Variants in UBE3A observed in about 807,000 individuals in gnomAD.
UBE3A encodes the protein ubiquitin protein ligase E3A, also known as ubiquitin-protein ligase E3A.
A neutral mutation model predicts 83.4 loss-of-function variants in UBE3A; 6 were observed. The observed-to-expected ratio is 0.07, with a 90% confidence interval of 0.04 to 0.14. The LOEUF (loss-of-function observed/expected upper bound fraction) is 0.14. Ranked by LOEUF, UBE3A falls within the 10% of genes least tolerant of loss-of-function variation. The pLI is 1.00. For synonymous variants in UBE3A, 337 were observed against 355.4 expected, an observed-to-expected ratio of 0.95 and a Z score of 0.58; for missense variants, 456 against 1,036.1, an observed-to-expected ratio of 0.44 and a Z score of 7.69.
At position 25,370,552 on chromosome 15, in the gene UBE3A, G is replaced by A. The variant is rs755413041; in HGVS notation, c.1608+14C>T. 4 of 1,613,924 alleles carry A rather than the reference G, an allele frequency of 2.5e-6. No individual in the cohort carries two copies. Among genetic ancestry groups the A allele is most frequent in the Non-Finnish European group, 3.4e-6 (4 of 1,179,926 alleles). On this transcript the variant is annotated intron_variant, in intron 6 of 12. Transcript: ENST00000648336. This position sits in a 1 kb window ranked among gnomAD's most constrained non-coding sequence, Gnocchi z 4.2. ...TCCCCATTATTAGGTTTTTAATCTA[G>A]CAGCCCAACTTACCCGGACAAGTGC... is the stretch of plus-strand genomic sequence containing the variant.
rs2073855697 is a variant in UBE3A, at chr15:25,334,251, AAATT to A, written c.*4882_*4885del. On this transcript the variant is annotated 3_prime_UTR_variant, in exon 13 of 13. Coordinates refer to ENST00000648336, the MANE Select transcript of UBE3A (RefSeq NM_130839.5). ...TACAATATACAAAATCAATATACAA[AAATT>A]AATTTTATTTCTAACACCAGTGATG... 6.6e-6 allele frequency: 1 copy of A among 152,150 alleles called. No individual in the cohort carries two copies. Among genetic ancestry groups the A allele is most frequent in the African/African-American group, 2.4e-5 (1 of 41,444 alleles). 9.4% of individuals were successfully genotyped at this position (152,150 alleles called of 1,614,324 possible).
chr15:25,385,161 G>A (rs2082889214), intron 4 of UBE3A, among the ~76,000 whole-genome samples: 1 of 152,028 alleles, frequency 6.6e-6, no homozygotes, highest in Non-Finnish European at 1.5e-5. Flanking sequence ...GGAGTAAAAT[G>A]GCAACCTACA....
chr15:25,354,306 AC>A (rs2076927601), intron 11 of UBE3A, 46 bp downstream of exon 11: 1 of 1,577,530 alleles, frequency 6.3e-7, no homozygotes, highest in Admixed American at 1.7e-5. Context: ...AAAATCACAC[AC>A]CCCTTTGGTG....
chr15:25,413,486 G>A (rs1042020197), intron 1 of UBE3A, among the ~76,000 whole-genome samples: 3 of 151,942 alleles, frequency 2.0e-5, no homozygotes, highest in Admixed American at 6.6e-5. Context: ...AGTTTTGTCC[G>A]TTTACACATT....
Position 25,356,677 on chromosome 15 carries a change from G to T in UBE3A, c.1959+14C>A. ...ATCTAAGAGACTGAATTAAAAAAAT[G>T]ACAAAGAACTTACTGGGTGAGAGTC... is the stretch of plus-strand genomic sequence containing the variant. On this transcript the variant is annotated intron_variant, in intron 8 of 12. Transcript: ENST00000648336. 1 of 1,610,162 alleles carries T rather than the reference G, an allele frequency of 6.2e-7. No individual in the cohort carries two copies. The highest frequency in any genetic ancestry group is 8.5e-7 in the Non-Finnish European group (1 of 1,178,526).
intron 7 of UBE3A, among the ~76,000 whole-genome samples, chr15:25,357,182 C>T (rs948976556): frequency 5.9e-5 from 9 of 151,936 alleles, no homozygotes; most frequent in Non-Finnish European, 8.8e-5. Context: ...TAAATTCAAG[C>T]TTTCTAATTT....
Position 25,370,167 on chromosome 15 carries a change from T to C in UBE3A, c.1608+399A>G, listed in dbSNP as rs1366345302. Among the ~76,000 whole-genome samples, 5 of 152,200 alleles carry C rather than the reference T, an allele frequency of 3.3e-5. No homozygotes were observed. The highest frequency in any genetic ancestry group is 7.3e-5 in the Non-Finnish European group (5 of 68,048). ...GATGGAATTTTTTGGACACTACCTA[T>C]AATTTTATGGTATGGTTTTACTGTA... On this transcript the variant is annotated intron_variant, in intron 6 of 12. Coordinates refer to ENST00000648336, the MANE Select transcript of UBE3A (RefSeq NM_130839.5). The surrounding 1 kb of genome is among the most constrained non-coding windows in gnomAD (Gnocchi z 4.2).
At chr15:25,420,351 C>T (rs1889173668) in intron 1 of UBE3A, among the ~76,000 whole-genome samples, 1 of 151,992 alleles carries the variant, frequency 6.6e-6, no homozygotes, top group South Asian at 2.1e-4. Context: ...AAAGACTTTG[C>T]TTCAAAGCAT....
At chr15:25,354,860 T>C (rs1036662789) in intron 9 of UBE3A, among the ~76,000 whole-genome samples, 177 bp from the exon 10 acceptor site, 7 of 152,036 alleles carry the variant, frequency 4.6e-5, no homozygotes, top group Non-Finnish European at 7.4e-5. Flanking sequence ...ATAGCCAATA[T>C]TAAGCTATGA....
intron 1 of UBE3A, among the ~76,000 whole-genome samples, chr15:25,423,866 G>A (rs748129287): frequency 6.6e-6 from 1 of 152,020 alleles, no homozygotes; most frequent in African/African-American, 2.4e-5. Context: ...ACTTTCATCT[G>A]GTCTACTACC....
At chr15:25,386,961 T>C (rs566792097) in intron 4 of UBE3A, among the ~76,000 whole-genome samples, 1 of 152,294 alleles carries the variant, frequency 6.6e-6, no homozygotes, top group South Asian at 2.1e-4. Flanking sequence ...TCTACATATA[T>C]AGAGCATCAA....
chr15:25,399,476 T>C (rs747364979), intron 4 of UBE3A, among the ~76,000 whole-genome samples: 1 of 152,216 alleles, frequency 6.6e-6, no homozygotes, highest in African/African-American at 2.4e-5. Context: ...TTCCCCGCTG[T>C]GTTCTTTGCA....
intron 12 of UBE3A, 93 bp from the exon 13 acceptor site, chr15:25,339,350 T>A: frequency 1.3e-6 from 2 of 1,501,698 alleles, no homozygotes; most frequent in Non-Finnish European, 1.8e-6. Flanking sequence ...TTGTATATAG[T>A]TGAGACGGTC....
intron 1 of UBE3A, among the ~76,000 whole-genome samples, chr15:25,413,634 A>G (rs140605906): frequency 1.6e-3 from 239 of 152,190 alleles, no homozygotes; most frequent in African/African-American, 5.5e-3. Flanking sequence ...TAATTCCCTC[A>G]ACTCCATTAG....
chr15:25,410,540 A>G (rs1780100440), intron 2 of UBE3A, among the ~76,000 whole-genome samples: 1 of 152,214 alleles, frequency 6.6e-6, no homozygotes, highest in Admixed American at 6.5e-5. Context: ...ACATCCTCAA[A>G]GCAACAATAG....
At chr15:25,347,897 T>C (rs952364175) in intron 11 of UBE3A, among the ~76,000 whole-genome samples, 2 of 151,794 alleles carry the variant, frequency 1.3e-5, no homozygotes, top group African/African-American at 4.8e-5. Context: ...ATATAAATGG[T>C]CTAAATAAAA....
chr15:25,431,117 T>G (rs544664619), intron 1 of UBE3A, among the ~76,000 whole-genome samples: 15 of 152,352 alleles, frequency 9.8e-5, no homozygotes, highest in Admixed American at 3.9e-4. Context: ...AGTCAACTTT[T>G]CAGAAATATT....
At chr15:25,400,401 C>A (rs149486201) in intron 4 of UBE3A, among the ~76,000 whole-genome samples, 1 of 152,092 alleles carries the variant, frequency 6.6e-6, no homozygotes, top group Non-Finnish European at 1.5e-5. Context: ...CCTAATACAA[C>A]GTAAATGCTA....
intron 1 of UBE3A, among the ~76,000 whole-genome samples, chr15:25,436,527 G>C (rs1895135496): frequency 6.6e-6 from 1 of 152,124 alleles, no homozygotes; most frequent in African/African-American, 2.4e-5. Context: ...TATTATCACA[G>C]TTTACACAGT....
Sources: gnomAD v4.1 joint callset for allele counts (sites outside exome capture counted in the v4.1 genomes callset) on GRCh38, gnomAD v4.1.1 for gene constraint, Gnocchi (gnomAD v3.1) non-coding constraint, MANE v1.5 for transcripts, NCBI Gene and HGNC (gene_info 2026-07-23, HGNC 2026-07-21) for gene names.